NAA20: variants seen among roughly 807,000 people sequenced by gnomAD.
NAA20 encodes the protein N-alpha-acetyltransferase 20, NatB catalytic subunit.
A neutral mutation model predicts 23.8 loss-of-function variants in NAA20; 24 were observed. The ratio of observed to expected loss-of-function variants is 1.01; its 90% CI spans 0.73 to 1.42. The LOEUF (loss-of-function observed/expected upper bound fraction) is 1.42. NAA20 is among the 40% of genes most tolerant of loss of function. The pLI is 0.00. For missense variants in NAA20, 166 were observed against 223.1 expected, an observed-to-expected ratio of 0.74 and a Z score of 1.63; for synonymous variants, 83 against 77.7, an observed-to-expected ratio of 1.07 and a Z score of -0.36.
At chr20:20,022,322 A>C (rs1277994739) in intron 1 of NAA20, 134 bp from the exon 2 acceptor site, 1 of 776,272 alleles carries the variant, frequency 1.3e-6, no homozygotes, top group Non-Finnish European at 2.0e-6. Context: ...CCTCAGCCCT[A>C]AAGTTGGCCT....
intron 1 of NAA20, among the ~76,000 whole-genome samples, chr20:20,021,580 C>G (rs2043268660): frequency 6.6e-6 from 1 of 152,110 alleles, no homozygotes; most frequent in Non-Finnish European, 1.5e-5. Flanking sequence ...TTTTAAATCT[C>G]AGTAGATATT....
At chr20:20,026,686 T>C in intron 3 of NAA20, 98 bp from the exon 4 acceptor site, 1 of 1,494,952 alleles carries the variant, frequency 6.7e-7, no homozygotes. Context: ...ACTTCTTTAT[T>C]AGTTTCCTTT....
At chr20:20,029,104 A>C (rs1177727248) in intron 4 of NAA20, among the ~76,000 whole-genome samples, 1 of 151,922 alleles carries the variant, frequency 6.6e-6, no homozygotes, top group Non-Finnish European at 1.5e-5. Flanking sequence ...AGCTATGATG[A>C]CTCTATTTAA....
chr20:20,020,876 C>T (rs1162532670), intron 1 of NAA20, among the ~76,000 whole-genome samples: 1 of 152,124 alleles, frequency 6.6e-6, no homozygotes, highest in Non-Finnish European at 1.5e-5. Context: ...TTGTACATTT[C>T]TTCCAGGAAA....
At chr20:20,023,367 G>C (rs866759369) in intron 2 of NAA20, among the ~76,000 whole-genome samples, 3 of 151,242 alleles carry the variant, frequency 2.0e-5, no homozygotes, top group Middle Eastern at 3.5e-3. Flanking sequence ...GGCCCGCTCT[G>C]TCTCATTGAC....
chr20:20,017,730 G>A lies in NAA20; in HGVS notation c.53+281G>A. The stretch of plus-strand genomic sequence containing the variant: ...CTGGCAGGTTCTGGGGCAGCGCTCG[G>A]GCCTCCGCTCGTGGTCGCTGTCAGG... On this transcript the variant is annotated intron_variant, in intron 1 of 5. Transcript: ENST00000334982. The A allele has an allele frequency of 6.3e-6, 9 of 1,431,494 alleles. No homozygotes were observed. In the South Asian group the frequency reaches 1.0e-4, roughly 17 times the overall value. 88.7% of individuals were successfully genotyped at this position (1,431,494 alleles called of 1,614,324 possible).
At chr20:20,028,492 T>TA (rs927790873) in intron 4 of NAA20, among the ~76,000 whole-genome samples, 4 of 151,804 alleles carry the variant, frequency 2.6e-5, no homozygotes, top group African/African-American at 7.3e-5. Context: ...ATAATAATAA[T>TA]AAAAAAAAGC....
chr20:20,027,009 A>G (rs2043311228), intron 4 of NAA20, 90 bp downstream of exon 4: 5 of 1,507,190 alleles, frequency 3.3e-6, no homozygotes, highest in Non-Finnish European at 4.6e-6. Flanking sequence ...CATGCTTTAC[A>G]GTTCACAGGA....
In NAA20 at chr20:20,033,283, T is replaced by C. The variant is rs1311334479; in HGVS notation, c.*96T>C. 25 of 965,728 alleles carry C rather than the reference T, an allele frequency of 2.6e-5. No homozygotes were observed. The highest frequency in any genetic ancestry group is 3.9e-5 in the Non-Finnish European group (25 of 636,602). The allele number at this position is 965,728 out of a possible 1,614,324, so 59.8% of individuals were successfully genotyped here. ...TGGAGCTCTATTAGGAGAAAAGTAA[T>C]CATTTTAGGTCTTAAAGACTTCAAG... On this transcript the variant is annotated 3_prime_UTR_variant, in exon 6 of 6. Transcript: ENST00000334982.
At chr20:20,033,038 A>C (rs1387456650) in intron 5 of NAA20, 64 bp from the exon 6 acceptor site, 2 of 1,293,294 alleles carry the variant, frequency 1.5e-6, no homozygotes, top group Non-Finnish European at 2.2e-6. Flanking sequence ...AACTTTACCT[A>C]TACACTTTAC....
At chr20:20,030,807 G>A (rs1198524997) in intron 4 of NAA20, among the ~76,000 whole-genome samples, 9 of 151,928 alleles carry the variant, frequency 5.9e-5, no homozygotes, top group African/African-American at 2.2e-4. Context: ...TTAATAAAAG[G>A]TAGGCAAGGT....
rs958099918 is a variant in NAA20 at position 20,021,045 on chromosome 20, G to A, written c.54-1411G>A. Among the ~76,000 whole-genome samples, 545 of 139,500 alleles carry A rather than the reference G, an allele frequency of 3.9e-3. 19 individuals carry two copies. The highest frequency in any genetic ancestry group is 0.029 in the Admixed American group (421 of 14,282). 91.5% of individuals were successfully genotyped at this position (139,500 alleles called of 152,430 possible). A position where few individuals can be genotyped will look rare whatever the true frequency, so the allele number is the denominator to read the frequency against. On this transcript the variant is annotated intron_variant, in intron 1 of 5. Coordinates refer to ENST00000334982, the MANE Select transcript of NAA20 (RefSeq NM_016100.5). ...GTGCGTGGGTTCGGTGGGCGGGGGG[G>A]GGGGGGGACTTTGGCAAAGACTTCT...
At chr20:20,025,586 A>G (rs1325181637) in intron 2 of NAA20, 91 bp from the exon 3 acceptor site, 2 of 870,360 alleles carry the variant, frequency 2.3e-6, no homozygotes, top group Non-Finnish European at 3.9e-6. Context: ...AAGTAACAGT[A>G]TACTTTTTAA....
chr20:20,017,821 T>C, intron 1 of NAA20: 1 of 1,480,892 alleles, frequency 6.8e-7, no homozygotes, highest in Non-Finnish European at 9.0e-7. Flanking sequence ...CTTCTCGCCC[T>C]GCCCTACTGC....
upstream of NAA20, chr20:20,017,346 A>T: frequency 6.2e-7 from 1 of 1,606,842 alleles, no homozygotes; most frequent in East Asian, 2.2e-5. Context: ...GACTTCCGGC[A>T]GGGCGGGCGC....
intron 1 of NAA20, 59 bp from the exon 2 acceptor site, chr20:20,022,395 CTT>C: frequency 6.7e-7 from 1 of 1,493,576 alleles, no homozygotes. Context: ...CTTTAGCAGG[CTT>C]ATTTCAACTG....
chr20:20,017,915 G>T, intron 1 of NAA20: 2 of 1,607,016 alleles, frequency 1.2e-6, no homozygotes, highest in Non-Finnish European at 1.7e-6. Context: ...TGCGAGGATC[G>T]GAAGCTGGTC....
chr20:20,026,233 A>G (rs2043305382), intron 3 of NAA20, among the ~76,000 whole-genome samples: 2 of 151,786 alleles, frequency 1.3e-5, no homozygotes, highest in African/African-American at 4.8e-5. Context: ...TGAACCCCGG[A>G]GGCAGAACTT....
intron 1 of NAA20, among the ~76,000 whole-genome samples, chr20:20,021,187 G>A (rs2043266008): frequency 6.6e-6 from 1 of 152,182 alleles, no homozygotes; most frequent in Non-Finnish European, 1.5e-5. Context: ...GAAAGGTGTG[G>A]TGGAGTGACT....
Sources: allele counts gnomAD v4.1 joint callset (sites outside exome capture counted in the v4.1 genomes callset), GRCh38; gene constraint gnomAD v4.1.1; transcripts MANE v1.5; gene names NCBI Gene and HGNC (gene_info 2026-07-23, HGNC 2026-07-21).